Variants in HCN4 observed in about 807,000 individuals in gnomAD.
The protein encoded by HCN4 is potassium/sodium hyperpolarization-activated cyclic nucleotide-gated channel 4.
A neutral mutation model predicts 76.9 loss-of-function variants in HCN4; 29 were observed. The ratio of observed to expected loss-of-function variants is 0.38; its 90% CI spans 0.28 to 0.51. HCN4 has a LOEUF of 0.51. Ranked by LOEUF, HCN4 falls within the 20% of genes least tolerant of loss-of-function variation. The pLI, the probability that HCN4 is intolerant of heterozygous loss-of-function variation, is 0.90. For synonymous variants in HCN4, 772 were observed against 762.5 expected, an observed-to-expected ratio of 1.01 and a Z score of -0.21; for missense variants, 1,416 against 1,715.2, an observed-to-expected ratio of 0.83 and a Z score of 3.08.
rs931344339 is a variant in HCN4, at chr15:73,323,936, G to A, written c.2157C>T (p.Ser719=). 2 of 1,604,806 alleles carry A rather than the reference G, an allele frequency of 1.2e-6. No individual in the cohort carries two copies. The highest frequency in any genetic ancestry group is 1.7e-6 in the Non-Finnish European group (2 of 1,179,942). Residue 719 remains serine (S), a synonymous_variant, in exon 8 of 8, where the codon TCC becomes TCT. Coordinates refer to ENST00000261917, the MANE Select transcript of HCN4 (RefSeq NM_005477.3). ...DRLDRIGKKN[S]ILLHKVQHDL... is the part of the protein sequence containing the mutation. ...CGTGCTGGACTTTGTGGAGGAGGAT[G>A]GAGTTCTTCTTGCCTGGGCCACAGA...
At chr15:73,359,175 G>A (rs539405300) in intron 1 of HCN4, among the ~76,000 whole-genome samples, 7 of 152,324 alleles carry the variant, frequency 4.6e-5, no homozygotes, top group Admixed American at 2.6e-4. Context: ...TGGAGGCCCC[G>A]CTGCTTGCTC....
At chr15:73,348,719 C>A (rs2151222612) in intron 1 of HCN4, among the ~76,000 whole-genome samples, 1 of 152,316 alleles carries the variant, frequency 6.6e-6, no homozygotes, top group East Asian at 1.9e-4. Context: ...GTCTCAGACA[C>A]CCATGTCCCT....
In HCN4 at chr15:73,323,428, A is replaced by T; in HGVS notation, c.2665T>A (p.Ser889Thr). The T allele has an allele frequency of 6.2e-7, 1 of 1,606,128 alleles. No homozygotes were observed. The highest frequency in any genetic ancestry group is 2.2e-5 in the East Asian group (1 of 44,574). ...SSSPPPGACG[S>T]PSAPTPSAGV... ...GCTGATGGTGTGGGAGCCGAGGGGG[A>T]GCCACAGGCCCCGGGGGGTGGGGAG... Residue 889 changes from serine (S) to threonine (T), a missense_variant, in exon 8 of 8, where the codon TCC becomes ACC. Transcript: ENST00000261917.
At chr15:73,324,380 C>G (rs946209721) in intron 6 of HCN4, 127 bp from the exon 7 acceptor site, 11 of 1,007,118 alleles carry the variant, frequency 1.1e-5, no homozygotes, top group Non-Finnish European at 1.5e-5. Flanking sequence ...GCCCTGCCCC[C>G]AGACTGCGGC....
Position 73,322,796 on chromosome 15 carries a change from C to G in HCN4, c.3297G>C (p.Gln1099His), listed in dbSNP as rs1441417473. The G allele has an allele frequency of 1.3e-6, 2 of 1,545,978 alleles. No homozygotes were observed. The highest frequency in any genetic ancestry group is 2.7e-5 in the African/African-American group (2 of 73,894). ...SQPALPQDGA[Q>H]TLRRASPHSS... ...AGTGCGGGGAGGCTCTGCGGAGAGT[C>G]TGCGCCCCGTCCTGAGGCAGGGCTG... The change falls in exon 8 of 8, where the codon CAG (glutamine) becomes CAC (histidine). Residue 1099 changes from glutamine (Q) to histidine (H), a missense_variant. Gln to His is a conservative substitution (Grantham distance 24). Coordinates refer to ENST00000261917, the MANE Select transcript of HCN4 (RefSeq NM_005477.3).
chr15:73,356,232 G>T (rs138131176), intron 1 of HCN4, among the ~76,000 whole-genome samples: 1,845 of 150,792 alleles, frequency 0.012, 34 homozygotes, highest in African/African-American at 0.043. Context: ...TGTAGCCCAG[G>T]CTGGAGTGTG....
intron 2 of HCN4, among the ~76,000 whole-genome samples, chr15:73,334,781 C>A (rs573397): frequency 0.48 from 72,858 of 151,896 alleles, 17,785 homozygotes; most frequent in East Asian, 0.55. Context: ...TCTGCACACC[C>A]GTCATAGACG....
chr15:73,350,816 T>C (rs893686571), intron 1 of HCN4, among the ~76,000 whole-genome samples: 8 of 152,034 alleles, frequency 5.3e-5, no homozygotes, highest in Non-Finnish European at 1.5e-5. Context: ...TCCTTTCCCA[T>C]CAGCTTTTCC....
At chr15:73,354,535 C>T (rs1362284752) in intron 1 of HCN4, among the ~76,000 whole-genome samples, 2 of 152,218 alleles carry the variant, frequency 1.3e-5, no homozygotes, top group Non-Finnish European at 2.9e-5. Flanking sequence ...GCTGAGACTG[C>T]TGGTGCAGGG....
At chr15:73,340,537 C>T (rs1360023755) in intron 2 of HCN4, among the ~76,000 whole-genome samples, 1 of 152,194 alleles carries the variant, frequency 6.6e-6, no homozygotes, top group African/African-American at 2.4e-5. Context: ...ACGCCTCCAT[C>T]TTTCCTTCAC....
intron 1 of HCN4, among the ~76,000 whole-genome samples, chr15:73,347,807 C>A (rs1262139573): frequency 6.6e-6 from 1 of 152,192 alleles, no homozygotes; most frequent in Non-Finnish European, 1.5e-5. Flanking sequence ...ATTAGGGGCC[C>A]TAGTCTCTCC....
At chr15:73,338,463 G>A (rs905853995) in intron 2 of HCN4, among the ~76,000 whole-genome samples, 3 of 152,140 alleles carry the variant, frequency 2.0e-5, no homozygotes, top group Non-Finnish European at 2.9e-5. Context: ...TTTCCACCCC[G>A]AGCCTCAGTT....
chr15:73,344,257 C>A (rs2043020569), intron 1 of HCN4, among the ~76,000 whole-genome samples: 1 of 152,180 alleles, frequency 6.6e-6, no homozygotes, highest in Non-Finnish European at 1.5e-5. Flanking sequence ...ATTCCACAGA[C>A]CATGACCAAA....
In HCN4 at chr15:73,323,660, T is replaced by C. The variant is rs1299208551; in HGVS notation, c.2433A>G (p.Gly811=). Residue 811 remains glycine (G), a synonymous_variant, in exon 8 of 8, where the codon GGA becomes GGG. Transcript: ENST00000261917. The part of the protein sequence containing the change: ...LPAAIFRPPP[G]SGLGNLGAGQ... ...CGGCACCGAGGTTGCCCAGCCCAGA[T>C]CCTGGGGGAGGGCGGAAGATGGCAG... The C allele has an allele frequency of 1.3e-6, 2 of 1,594,550 alleles. No homozygotes were observed. The highest frequency in any genetic ancestry group is 4.5e-5 in the East Asian group (2 of 44,692).
chr15:73,329,562 G>C lies in HCN4; in HGVS notation c.1590+11C>G. On this transcript the variant is annotated intron_variant, in intron 4 of 7. Transcript: ENST00000261917. ...GGGACCAATGTGCGGGTGCTCCCTG[G>C]GTAGACCTACCTTTTCCTGGTACTG... is the stretch of plus-strand genomic sequence containing the variant. 6.2e-7 allele frequency: 1 copy of C among 1,613,446 alleles called. No homozygotes were observed. Among genetic ancestry groups the C allele is most frequent in the South Asian group, 1.1e-5 (1 of 91,072 alleles).
intron 3 of HCN4, 53 bp from the exon 4 acceptor site, chr15:73,329,844 A>T: frequency 6.7e-7 from 1 of 1,489,116 alleles, no homozygotes. Flanking sequence ...GGCCCTTCTC[A>T]CTAGCAAGAA....
intron 1 of HCN4, among the ~76,000 whole-genome samples, chr15:73,363,370 G>A (rs1019668233): frequency 2.6e-5 from 4 of 152,204 alleles, no homozygotes; most frequent in Non-Finnish European, 5.9e-5. Flanking sequence ...TCCCCCCTCA[G>A]GCATCTAACT....
At chr15:73,357,812 G>A (rs2043088057) in intron 1 of HCN4, among the ~76,000 whole-genome samples, 1 of 152,166 alleles carries the variant, frequency 6.6e-6, no homozygotes. Context: ...AGGCCCCTAG[G>A]TAAGAGATCT....
At chr15:73,360,372 T>C (rs1308828647) in intron 1 of HCN4, among the ~76,000 whole-genome samples, 1 of 152,152 alleles carries the variant, frequency 6.6e-6, no homozygotes, top group Non-Finnish European at 1.5e-5. Context: ...TCTTTGCTCC[T>C]CTACTCCCCA....
Sources: allele counts gnomAD v4.1 joint callset (sites outside exome capture counted in the v4.1 genomes callset), GRCh38; gene constraint gnomAD v4.1.1; transcripts MANE v1.5; gene names NCBI Gene and HGNC (gene_info 2026-07-23, HGNC 2026-07-21).